ARHGAP27: variants seen among roughly 807,000 people sequenced by gnomAD.
ARHGAP27 encodes the protein Rho GTPase activating protein 27, also known as rho GTPase-activating protein 27.
In ARHGAP27, 53 loss-of-function variants were observed where a neutral mutation model predicts 102.0. The observed-to-expected ratio is 0.52, with a 90% CI of 0.42 to 0.65. The LOEUF is 0.65. Among genes scored for constraint, ARHGAP27 ranks in the 30% least tolerant of loss-of-function variants. The pLI is 0.00. For missense variants in ARHGAP27, 1,117 were observed against 1,256.2 expected, an observed-to-expected ratio of 0.89 and a Z score of 1.68; for synonymous variants, 525 against 542.8, an observed-to-expected ratio of 0.97 and a Z score of 0.46.
In ARHGAP27 at chr17:45,405,829, C is replaced by T. The variant is rs1193341326; in HGVS notation, c.912G>A (p.Glu304=). The change falls in exon 5 of 20, where the codon GAG becomes GAA. Residue 304 remains glutamate, a synonymous_variant. Transcript: ENST00000685559. Reference sequence around the variant, plus strand: ...TCTCCTCATCCCAGTACTGGCCCCACTCGGTCTCAAGGCTCACGTGGCTGT... The same window carrying T: ...TCTCCTCATCCCAGTACTGGCCCCATTCGGTCTCAAGGCTCACGTGGCTGT... ...SVDSHVSLET[E]WGQYWDEESR... is the part of the protein sequence containing the mutation. The T allele has an allele frequency of 6.5e-7, 1 of 1,537,540 alleles. No individual in the cohort carries two copies. Among genetic ancestry groups the T allele is most frequent in the Non-Finnish European group, 8.7e-7 (1 of 1,147,376 alleles).
At chr17:45,410,318 C>T (rs558198957) in intron 4 of ARHGAP27, 2 of 1,493,322 alleles carry the variant, frequency 1.3e-6, no homozygotes, top group Non-Finnish European at 1.8e-6. Context: ...CGGGACAGAG[C>T]CCTGGGAAGG....
chr17:45,425,674 C>A (rs551709963), intron 4 of ARHGAP27: 2 of 983,772 alleles, frequency 2.0e-6, no homozygotes, highest in Non-Finnish European at 2.4e-6. Flanking sequence ...TGCAGCAGCC[C>A]GGCTGGAACT....
intron 11 of ARHGAP27, 71 bp downstream of exon 11, chr17:45,403,548 C>T: frequency 7.5e-7 from 1 of 1,331,848 alleles, no homozygotes; most frequent in Middle Eastern, 2.7e-4. Context: ...GAGACTCCGT[C>T]TCAAAAAAAA....
intron 13 of ARHGAP27, 55 bp from the exon 14 acceptor site, chr17:45,397,079 C>G: frequency 6.3e-7 from 1 of 1,589,588 alleles, no homozygotes; most frequent in South Asian, 1.1e-5. Context: ...CGGGTCCTTC[C>G]AGGATGGGGC....
rs2048059858 is a variant in ARHGAP27, at chr17:45,412,828, A to T, written c.658-6745T>A. ...CTCAGGCCTCAGTAGGCTTTGGGGA[A>T]CTGTGCCTAGCTCAGCCCTCTGAGA... On this transcript the variant is annotated intron_variant, in intron 4 of 19. Coordinates refer to ENST00000685559, the MANE Select transcript of ARHGAP27 (RefSeq NM_001282290.2). Among the ~76,000 whole-genome samples the T allele has an allele frequency of 2.0e-5, 3 of 152,110 alleles. No individual in the cohort carries two copies. In the South Asian group the frequency reaches 6.2e-4, roughly 32 times the overall value.
intron 4 of ARHGAP27, among the ~76,000 whole-genome samples, chr17:45,424,091 G>A (rs1343122558): frequency 6.6e-6 from 1 of 152,132 alleles, no homozygotes; most frequent in Non-Finnish European, 1.5e-5. Flanking sequence ...GCCTGGGCAG[G>A]GGCCCCTGCC....
In ARHGAP27 at chr17:45,395,504, C is replaced by G. The variant is rs374588573; in HGVS notation, c.2622G>C (p.Val874=). ...CGCACTGCTGCAGGATGAGCTCCAC[C>G]ACCTGGTTCTGGAACACCATGGTCA... ...MPMTMVFQNQ[V]VELILQQCAD... Residue 874 remains valine, a synonymous_variant, in exon 20 of 20, where the codon GTG becomes GTC. Coordinates refer to ENST00000685559, the MANE Select transcript of ARHGAP27 (RefSeq NM_001282290.2). 1 of 1,593,382 alleles carries G rather than the reference C, an allele frequency of 6.3e-7. No homozygotes were observed.
At chr17:45,428,199 C>G (rs2049790806) in intron 4 of ARHGAP27, among the ~76,000 whole-genome samples, 1 of 152,248 alleles carries the variant, frequency 6.6e-6, no homozygotes, top group Non-Finnish European at 1.5e-5. Context: ...AGTGCCCAGC[C>G]CCGCCCGCCG....
At chr17:45,429,235 T>G (rs2049863350) in intron 4 of ARHGAP27, 1 of 478,358 alleles carries the variant, frequency 2.1e-6, no homozygotes, top group Non-Finnish European at 3.6e-6. Context: ...CAGTAGGTTA[T>G]ATAACCTCCC....
At chr17:45,428,337 T>G (rs2049801944) in intron 4 of ARHGAP27, among the ~76,000 whole-genome samples, 1 of 152,250 alleles carries the variant, frequency 6.6e-6, no homozygotes, top group Non-Finnish European at 1.5e-5. Context: ...CCTGCTGCTG[T>G]CAAGCGCTTC....
intron 4 of ARHGAP27, among the ~76,000 whole-genome samples, chr17:45,428,806 T>G (rs937745583): frequency 1.3e-5 from 2 of 152,092 alleles, no homozygotes; most frequent in African/African-American, 4.8e-5. Context: ...TCTGAGCATC[T>G]TTTTTTCCCC....
Position 45,396,521 on chromosome 17 carries a change from G to A in ARHGAP27, c.2139C>T (p.Phe713=), listed in dbSNP as rs771339682. Residue 713 remains phenylalanine, a synonymous_variant, in exon 16 of 20, where the codon TTC becomes TTT. Coordinates refer to ENST00000685559, the MANE Select transcript of ARHGAP27 (RefSeq NM_001282290.2). ...CGACGGCGCGGATGCACTGCTGCACGAAGCGTGGCACCCGGCTCCTCTCGC... is the reference window on the plus strand; with the variant it reads ...CGACGGCGCGGATGCACTGCTGCACAAAGCGTGGCACCCGGCTCCTCTCGC... ...CERERSRVPR[F]VQQCIRAVEA... 6.3e-7 allele frequency: 1 copy of A among 1,577,248 alleles called. No individual in the cohort carries two copies. Among genetic ancestry groups the A allele is most frequent in the South Asian group, 1.1e-5 (1 of 88,512 alleles).
At chr17:45,397,567 T>C in intron 13 of ARHGAP27, 1 of 222,942 alleles carries the variant, frequency 4.5e-6, no homozygotes, top group Non-Finnish European at 8.7e-6. Context: ...GCTCTACTTA[T>C]GCAATTGGTG....
At chr17:45,408,089 G>T (rs1334607071) in intron 4 of ARHGAP27, 2 of 151,526 alleles carry the variant, frequency 1.3e-5, no homozygotes, top group Non-Finnish European at 2.9e-5. Flanking sequence ...ACCTGTTCAG[G>T]GTGGTCTCTC....
intron 12 of ARHGAP27, among the ~76,000 whole-genome samples, chr17:45,398,658 C>T (rs947693150): frequency 2.6e-5 from 4 of 151,656 alleles, no homozygotes; most frequent in Admixed American, 6.6e-5. Flanking sequence ...TGCTTGAACC[C>T]GGGAAGCGGA....
chr17:45,417,343 A>T (rs1256115594), intron 4 of ARHGAP27, among the ~76,000 whole-genome samples: 1 of 152,092 alleles, frequency 6.6e-6, no homozygotes, highest in Non-Finnish European at 1.5e-5. Flanking sequence ...ATATGCCTGT[A>T]ATCCCAGCTA....
chr17:45,404,572 C>G, intron 7 of ARHGAP27, 29 bp downstream of exon 7: 1 of 1,613,880 alleles, frequency 6.2e-7, no homozygotes, highest in Non-Finnish European at 8.5e-7. Flanking sequence ...TCCTCTCTCC[C>G]CAACACCCCC....
chr17:45,419,401 A>C (rs2048792045), intron 4 of ARHGAP27, among the ~76,000 whole-genome samples: 1 of 151,494 alleles, frequency 6.6e-6, no homozygotes, highest in African/African-American at 2.4e-5. Flanking sequence ...TATATTTTAT[A>C]TATGTGTCTC....
chr17:45,404,274 C>T lies in ARHGAP27; in HGVS notation c.1474G>A (p.Val492Met). The change falls in exon 9 of 20, where the codon GTG (valine) becomes ATG (methionine). Residue 492 changes from valine (V) to methionine (M), a missense_variant. This residue lies in a region of ARHGAP27 where 610 missense variants were observed against 716.4 expected (regional missense o/e 0.85). Transcript: ENST00000685559. The stretch of plus-strand genomic sequence containing the variant: ...GGGTAGGGGGTGATGCCTACCCTCA[C>T]AGCAGCTGTGGCAGGAGAGACTTCC... The part of the protein sequence containing the change: ...WEEVSPATAA[V>M]RTKTLDKAGV... 1 of 1,614,022 alleles carries T rather than the reference C, an allele frequency of 6.2e-7. No homozygotes were observed. Among genetic ancestry groups the T allele is most frequent in the Non-Finnish European group, 8.5e-7 (1 of 1,179,976 alleles).
Sources: allele counts gnomAD v4.1 joint callset (sites outside exome capture counted in the v4.1 genomes callset), GRCh38; gene constraint gnomAD v4.1.1; regional missense constraint gnomAD v4.1.1; transcripts MANE v1.5; gene names NCBI Gene and HGNC (gene_info 2026-07-23, HGNC 2026-07-21).